HGD: variants seen among roughly 807,000 people sequenced by gnomAD.
HGD encodes the protein homogentisate oxidase.
Under a neutral mutation model 60.8 loss-of-function variants are expected in HGD, and 61 were observed. That is an observed-to-expected ratio of 1.00 (90% CI 0.82 to 1.24). The LOEUF (loss-of-function observed/expected upper bound fraction) is 1.24, where lower values mean the gene tolerates loss of function less well. HGD is among the 50% of genes most tolerant of loss of function. The pLI, the probability that HGD is intolerant of heterozygous loss-of-function variation, is 0.00. For missense variants in HGD, 542 were observed against 547.1 expected, an observed-to-expected ratio of 0.99 and a Z score of 0.09; for synonymous variants, 212 against 187.7, an observed-to-expected ratio of 1.13 and a Z score of -1.06.
At chr3:120,633,681 G>T in intron 12 of HGD, 1 of 1,063,046 alleles carries the variant, frequency 9.4e-7, no homozygotes, top group Non-Finnish European at 1.3e-6. Context: ...AAGCTTACGA[G>T]CCCTGTATCA....
intron 6 of HGD, among the ~76,000 whole-genome samples, chr3:120,649,998 G>T (rs548399770): frequency 1.3e-5 from 2 of 152,272 alleles, no homozygotes; most frequent in East Asian, 3.9e-4. Flanking sequence ...AATAATCTAA[G>T]AATGAGGAAA....
Position 120,650,840 on chromosome 3 carries a change from C to G in HGD, c.368G>C (p.Gly123Ala), listed in dbSNP as rs374473331. ...AAGCCCATTGTTAGACTTTATGTCT[C>G]CAGCTCCACACAAGGTATGCAGGCC... is the stretch of plus-strand genomic sequence containing the variant. The part of the protein sequence containing the change: ...VSGLHTLCGA[G>A]DIKSNNGLAI... Residue 123 changes from glycine to alanine, a missense_variant, in exon 6 of 14, where the codon GGA becomes GCA. Around this residue, in one of 2 missense-constraint regions of HGD, gnomAD observed 537 missense variants for 529.1 expected, o/e 1.01. Transcript: ENST00000283871. 1.9e-6 allele frequency: 3 copies of G among 1,613,962 alleles called. No individual in the cohort carries two copies. The Middle Eastern group carries it at 4.9e-4, about 266-fold the overall frequency.
At chr3:120,638,811 C>T (rs1238722498) in intron 11 of HGD, among the ~76,000 whole-genome samples, 1 of 151,956 alleles carries the variant, frequency 6.6e-6, no homozygotes, top group Non-Finnish European at 1.5e-5. Context: ...GGTTGTGTCC[C>T]CACCCAAATC....
intron 4 of HGD, among the ~76,000 whole-genome samples, chr3:120,659,251 T>C (rs6796584): frequency 0.47 from 71,374 of 152,180 alleles, 17,601 homozygotes; most frequent in East Asian, 0.64. Flanking sequence ...GGTTTAAATC[T>C]AAACTTATTT....
rs537736274 is a variant in HGD at position 120,641,610 on chromosome 3, G to C, written c.858C>G (p.Asn286Lys). The C allele has an allele frequency of 6.2e-7, 1 of 1,613,464 alleles. No homozygotes were observed. The highest frequency in any genetic ancestry group is 1.3e-5 in the African/African-American group (1 of 75,012). Residue 286 changes from asparagine to lysine, a missense_variant, in exon 11 of 14, where the codon AAC (asparagine) becomes AAG (lysine). Physicochemically the swap from Asn to Lys is moderately conservative, Grantham distance 94 (BLOSUM62 0). This residue lies in a region of HGD where 537 missense variants were observed against 529.1 expected (regional missense o/e 1.01). Transcript: ENST00000283871. ...TTACTGCATGGTCAAAGGCCACTGA[G>C]TTGATAACCATGAAATTCTTCAGGT... is the stretch of plus-strand genomic sequence containing the variant. ...KYNLKNFMVINSVAFDHADPS... is the reference protein window; with the variant it reads ...KYNLKNFMVIKSVAFDHADPS...
At chr3:120,644,590 T>G in intron 9 of HGD, 147 bp from the exon 10 acceptor site, 1 of 1,541,900 alleles carries the variant, frequency 6.5e-7, no homozygotes, top group South Asian at 1.2e-5. Flanking sequence ...GCATTTCCAG[T>G]CTGGTACCTT....
chr3:120,653,192 G>A (rs142276486), intron 4 of HGD, among the ~76,000 whole-genome samples: 3,228 of 152,280 alleles, frequency 0.021, 49 homozygotes, highest in Middle Eastern at 0.041. Flanking sequence ...ACCAGGTTCA[G>A]CTGCTTCACC....
intron 7 of HGD, among the ~76,000 whole-genome samples, 168 bp from the exon 8 acceptor site, chr3:120,647,220 C>G (rs1941193973): frequency 6.6e-6 from 1 of 152,116 alleles, no homozygotes; most frequent in African/African-American, 2.4e-5. Flanking sequence ...TAGCTATTTT[C>G]CTATCTAGAA....
chr3:120,662,804 T>C (rs1707809216), intron 4 of HGD, among the ~76,000 whole-genome samples: 1 of 152,192 alleles, frequency 6.6e-6, no homozygotes, highest in South Asian at 2.1e-4. Context: ...TAGATTGTGT[T>C]CCTCCTCCAA....
At chr3:120,637,307 GAA>G (rs63466560) in intron 12 of HGD, among the ~76,000 whole-genome samples, 7,512 of 113,658 alleles carry the variant, frequency 0.066, 271 homozygotes, top group African/African-American at 0.15. Context: ...TTAATTTTCT[GAA>G]AAAAAAAAAA....
chr3:120,643,523 T>G (rs938024724), intron 10 of HGD, among the ~76,000 whole-genome samples: 5 of 152,210 alleles, frequency 3.3e-5, no homozygotes, highest in African/African-American at 1.2e-4. Context: ...AATAACAATA[T>G]GTCTGCTTCA....
intron 1 of HGD, among the ~76,000 whole-genome samples, chr3:120,679,217 T>C (rs1260602319): frequency 2.0e-5 from 3 of 152,162 alleles, no homozygotes; most frequent in African/African-American, 7.2e-5. Flanking sequence ...CTTGTCAGAG[T>C]AGTTTTATGA....
chr3:120,642,791 A>G (rs1324510859), intron 10 of HGD, among the ~76,000 whole-genome samples: 1 of 152,156 alleles, frequency 6.6e-6, no homozygotes, highest in Admixed American at 6.5e-5. Flanking sequence ...AAATATCCCA[A>G]TTTGTCTTTC....
At chr3:120,638,050 A>C (rs1193662439) in intron 12 of HGD, among the ~76,000 whole-genome samples, 1 of 152,136 alleles carries the variant, frequency 6.6e-6, no homozygotes, top group Non-Finnish European at 1.5e-5. Context: ...TGTTCAAAAG[A>C]AGCTGGGACT....
chr3:120,641,005 T>C (rs1352479248), intron 11 of HGD, among the ~76,000 whole-genome samples: 1 of 152,192 alleles, frequency 6.6e-6, no homozygotes, highest in African/African-American at 2.4e-5. Context: ...GCCTGCACTG[T>C]AGACCAGAGA....
intron 12 of HGD, among the ~76,000 whole-genome samples, chr3:120,638,247 T>C (rs1940845620): frequency 6.6e-6 from 1 of 152,224 alleles, no homozygotes; most frequent in African/African-American, 2.4e-5. Context: ...GGTATTCCTT[T>C]ATAGCAACGA....
intron 1 of HGD, among the ~76,000 whole-genome samples, chr3:120,680,829 C>A (rs886899772): frequency 1.3e-5 from 2 of 152,222 alleles, no homozygotes; most frequent in African/African-American, 4.8e-5. Context: ...ACTCACTCTT[C>A]CCTCCAGACC....
At chr3:120,649,445 C>T (rs1288047886) in intron 6 of HGD, among the ~76,000 whole-genome samples, 3 of 152,052 alleles carry the variant, frequency 2.0e-5, no homozygotes, top group Admixed American at 6.6e-5. Flanking sequence ...GCCCGGCCTC[C>T]GTTGTCTTTT....
intron 13 of HGD, among the ~76,000 whole-genome samples, chr3:120,630,811 TATATATATATATATAC>T (rs1940562787): frequency 1.2e-5 from 1 of 82,894 alleles, no homozygotes; most frequent in Non-Finnish European, 2.4e-5. Flanking sequence ...TATATATATA[TATATATATATATATAC>T]ACATACACAC....
Sources: gnomAD v4.1 joint callset for allele counts (sites outside exome capture counted in the v4.1 genomes callset) on GRCh38, gnomAD v4.1.1 for gene constraint, gnomAD v4.1.1 regional missense constraint, MANE v1.5 for transcripts, NCBI Gene and HGNC (gene_info 2026-07-23, HGNC 2026-07-21) for gene names.